Variants in TTLL5 observed in about 807,000 individuals in gnomAD.
TTLL5 encodes tubulin polyglutamylase TTLL5.
In TTLL5, 132 loss-of-function variants were observed where a neutral mutation model predicts 168.4. That is an observed-to-expected ratio of 0.78 (90% CI 0.68 to 0.91). The LOEUF (loss-of-function observed/expected upper bound fraction) is 0.91. TTLL5 is among the 40% of genes least tolerant of loss of function. The probability of loss-of-function intolerance (pLI) is 0.00; values close to 1 mark genes in which losing one functional copy is unlikely to be tolerated. For missense variants in TTLL5, 1,545 were observed against 1,581.5 expected, an observed-to-expected ratio of 0.98 and a Z score of 0.39; for synonymous variants, 546 against 558.6, an observed-to-expected ratio of 0.98 and a Z score of 0.32.
chr14:75,904,221 A>G, intron 31 of TTLL5: 4 of 1,211,256 alleles, frequency 3.3e-6, no homozygotes, highest in Non-Finnish European at 4.2e-6. Flanking sequence ...AAAAAAGGAA[A>G]GAAAAAAAGA....
chr14:75,703,831 G>A (rs1466743247), intron 7 of TTLL5, among the ~76,000 whole-genome samples: 1 of 152,094 alleles, frequency 6.6e-6, no homozygotes, highest in Non-Finnish European at 1.5e-5. Context: ...TATTTCAGGA[G>A]TGCCTACTGT....
At chr14:75,716,063 T>G (rs1887437066) in intron 9 of TTLL5, among the ~76,000 whole-genome samples, 1 of 152,146 alleles carries the variant, frequency 6.6e-6, no homozygotes, top group African/African-American at 2.4e-5. Flanking sequence ...AATGTCTGGC[T>G]GAGGCAGGCA....
intron 26 of TTLL5, among the ~76,000 whole-genome samples, chr14:75,785,402 T>A (rs1349853735): frequency 2.0e-5 from 3 of 152,116 alleles, no homozygotes; most frequent in East Asian, 1.9e-4. Context: ...ATGGTCTCGA[T>A]CTCTTGACCT....
chr14:75,905,399 G>A (rs1398321728), intron 31 of TTLL5, among the ~76,000 whole-genome samples: 3 of 152,210 alleles, frequency 2.0e-5, no homozygotes, highest in African/African-American at 7.2e-5. Flanking sequence ...GGGCACTGTT[G>A]AAAAACAACT....
intron 5 of TTLL5, among the ~76,000 whole-genome samples, chr14:75,687,172 A>G (rs540751670): frequency 5.9e-5 from 9 of 152,372 alleles, no homozygotes; most frequent in South Asian, 4.1e-4. Flanking sequence ...AACTTATAGA[A>G]GAAAACATAG....
chr14:75,798,468 A>G (rs1893110737), intron 27 of TTLL5, among the ~76,000 whole-genome samples: 1 of 150,120 alleles, frequency 6.7e-6, no homozygotes, highest in Non-Finnish European at 1.5e-5. Flanking sequence ...TTATTTAGTT[A>G]TGCTCTGATC....
chr14:75,690,862 C>T (rs966954570), intron 6 of TTLL5, among the ~76,000 whole-genome samples: 5 of 152,150 alleles, frequency 3.3e-5, no homozygotes, highest in Non-Finnish European at 5.9e-5. Flanking sequence ...TCAAAGGATC[C>T]TCCACTCTTG....
At chr14:75,848,984 C>T (rs1896700456) in intron 28 of TTLL5, among the ~76,000 whole-genome samples, 1 of 152,180 alleles carries the variant, frequency 6.6e-6, no homozygotes. Flanking sequence ...GTGGAAACAG[C>T]AGAAGTCTGG....
At chr14:75,941,690 G>T (rs1191965498) in intron 31 of TTLL5, among the ~76,000 whole-genome samples, 2 of 151,826 alleles carry the variant, frequency 1.3e-5, no homozygotes, top group Non-Finnish European at 2.9e-5. Context: ...TCTGAGACAG[G>T]TTCTTGCTGT....
chr14:75,793,232 G>A (rs1892821300), intron 27 of TTLL5, 132 bp downstream of exon 27: 5 of 835,890 alleles, frequency 6.0e-6, no homozygotes, highest in Non-Finnish European at 8.3e-6. Context: ...TTAATAGTTG[G>A]TTTCAAGCTA....
chr14:75,788,230 A>G (rs1216476981), intron 26 of TTLL5, among the ~76,000 whole-genome samples: 1 of 152,200 alleles, frequency 6.6e-6, no homozygotes, highest in Non-Finnish European at 1.5e-5. Context: ...TATAAAAACA[A>G]CAGTATCATA....
chr14:75,775,691 G>A, intron 22 of TTLL5, 61 bp downstream of exon 22: 1 of 1,578,112 alleles, frequency 6.3e-7, no homozygotes, highest in Non-Finnish European at 8.6e-7. Flanking sequence ...AAACAGACTA[G>A]ATAGAAGCCT....
At chr14:75,839,423 T>C (rs935537781) in intron 28 of TTLL5, among the ~76,000 whole-genome samples, 3 of 152,204 alleles carry the variant, frequency 2.0e-5, no homozygotes, top group African/African-American at 7.2e-5. Context: ...GTTCTCATGC[T>C]GCTATGGAGA....
At chr14:75,761,564 G>C (rs1890652268) in intron 18 of TTLL5, among the ~76,000 whole-genome samples, 1 of 152,176 alleles carries the variant, frequency 6.6e-6, no homozygotes, top group African/African-American at 2.4e-5. Context: ...CATGCTGAGT[G>C]AAAGAAGCCT....
At chr14:75,856,007 T>C (rs534466213) in intron 28 of TTLL5, among the ~76,000 whole-genome samples, 1 of 152,362 alleles carries the variant, frequency 6.6e-6, no homozygotes, top group Non-Finnish European at 1.5e-5. Context: ...ACAAGGATTT[T>C]AAAGTGACTC....
chr14:75,793,155 G>A (rs1456144559), intron 27 of TTLL5, 55 bp downstream of exon 27: 3 of 1,442,586 alleles, frequency 2.1e-6, no homozygotes, highest in Non-Finnish European at 2.8e-6. Flanking sequence ...TAGAATTAAT[G>A]ACAGGGTACT....
chr14:75,911,410 T>A (rs1335797180), intron 31 of TTLL5, among the ~76,000 whole-genome samples: 1 of 152,150 alleles, frequency 6.6e-6, no homozygotes, highest in African/African-American at 2.4e-5. Context: ...AAACATAGCC[T>A]CTATCCCCAT....
At chr14:75,667,507 C>T (rs563608009) in intron 2 of TTLL5, among the ~76,000 whole-genome samples, 1 of 152,296 alleles carries the variant, frequency 6.6e-6, no homozygotes, top group South Asian at 2.1e-4. Flanking sequence ...CAAAAAAATC[C>T]TTCCTGCTAA....
intron 30 of TTLL5, among the ~76,000 whole-genome samples, chr14:75,899,296 C>T (rs949252378): frequency 2.0e-5 from 3 of 152,124 alleles, no homozygotes; most frequent in African/African-American, 7.2e-5. Flanking sequence ...CACATGTATT[C>T]CTAGGAAAGC....
Sources: allele counts gnomAD v4.1 joint callset (sites outside exome capture counted in the v4.1 genomes callset), GRCh38; gene constraint gnomAD v4.1.1; transcripts MANE v1.5; gene names NCBI Gene and HGNC (gene_info 2026-07-23, HGNC 2026-07-21).